The following SAFB2 variants were observed in gnomAD, a reference collection of about 807,000 sequenced individuals.
SAFB2 encodes scaffold attachment factor B2.
SAFB2 carries 32 observed loss-of-function variants against 100.6 expected under a neutral mutation model. That is an observed-to-expected ratio of 0.32 (90% CI 0.24 to 0.43). SAFB2 has a LOEUF of 0.43. Among genes scored for constraint, SAFB2 ranks in the 20% least tolerant of loss-of-function variants. The pLI is 1.00. For synonymous variants in SAFB2, 500 were observed against 439.4 expected, an observed-to-expected ratio of 1.14 and a Z score of -1.72; for missense variants, 1,185 against 1,163.4, an observed-to-expected ratio of 1.02 and a Z score of -0.27.
intron 11 of SAFB2, among the ~76,000 whole-genome samples, chr19:5,603,252 G>A (rs768276905): frequency 2.6e-5 from 4 of 152,086 alleles, no homozygotes; most frequent in Admixed American, 6.6e-5. Flanking sequence ...TGGGTGACCC[G>A]TCTCAAAAAG....
At chr19:5,607,849 G>C (rs1192624354) in intron 9 of SAFB2, among the ~76,000 whole-genome samples, 2 of 152,220 alleles carry the variant, frequency 1.3e-5, no homozygotes, top group Non-Finnish European at 2.9e-5. Context: ...GACGTCCTTG[G>C]TTTTGACCAC....
At chr19:5,598,232 A>G (rs192853221) in intron 13 of SAFB2, among the ~76,000 whole-genome samples, 21 of 152,122 alleles carry the variant, frequency 1.4e-4, no homozygotes, top group Admixed American at 1.2e-3. Flanking sequence ...CTGTCACCTC[A>G]TGAATATCTT....
At chr19:5,599,146 C>T (rs1227730788) in intron 12 of SAFB2, among the ~76,000 whole-genome samples, 1 of 152,194 alleles carries the variant, frequency 6.6e-6, no homozygotes, top group Non-Finnish European at 1.5e-5. Flanking sequence ...AGCACGCACA[C>T]AAGCACGGCC....
At chr19:5,610,324 GA>G (rs2145349825) in intron 8 of SAFB2, 1 of 592,326 alleles carries the variant, frequency 1.7e-6, no homozygotes, top group African/African-American at 1.9e-5. Flanking sequence ...GTTATGAACT[GA>G]AATGTCTTTT....
chr19:5,589,748 G>A (rs2052347932), intron 18 of SAFB2, among the ~76,000 whole-genome samples: 1 of 152,206 alleles, frequency 6.6e-6, no homozygotes, highest in Non-Finnish European at 1.5e-5. Context: ...GGTGAAGGTG[G>A]CTTTGGACAC....
At chr19:5,615,801 G>A (rs1194724432) in intron 4 of SAFB2, among the ~76,000 whole-genome samples, 1 of 152,234 alleles carries the variant, frequency 6.6e-6, no homozygotes, top group African/African-American at 2.4e-5. Flanking sequence ...TAGTCAGGAG[G>A]ATCGCTGGAG....
Position 5,592,866 on chromosome 19 carries a change from T to C in SAFB2, c.2229A>G (p.Pro743=), listed in dbSNP as rs760373908. The part of the protein sequence containing the change: ...DLDRRDDAYW[P]EGKRVAMEDR... ...CCTCCATTGCCACACGCTTTCCTTC[T>C]GGCCAATAGGCATCATCTCGTCTGT... The change falls in exon 16 of 21, where the codon CCA becomes CCG. Residue 743 remains proline, a synonymous_variant. Transcript: ENST00000252542. 6.2e-6 allele frequency: 10 copies of C among 1,614,154 alleles called. No individual in the cohort carries two copies. Among genetic ancestry groups the C allele is most frequent in the Non-Finnish European group, 8.5e-6 (10 of 1,180,002 alleles).
chr19:5,595,167 C>T (rs1324903285), intron 14 of SAFB2, among the ~76,000 whole-genome samples, 194 bp downstream of exon 14: 1 of 152,186 alleles, frequency 6.6e-6, no homozygotes, highest in Non-Finnish European at 1.5e-5. Flanking sequence ...ACTTTCATGC[C>T]ACCTGGCATG....
chr19:5,621,453 T>A, intron 1 of SAFB2, 57 bp from the exon 2 acceptor site: 1 of 1,093,682 alleles, frequency 9.1e-7, no homozygotes, highest in Non-Finnish European at 1.4e-6. Flanking sequence ...CACACACTGT[T>A]CCTTACAAGT....
chr19:5,607,429 T>C (rs1192580790), intron 9 of SAFB2, among the ~76,000 whole-genome samples: 19 of 152,234 alleles, frequency 1.2e-4, no homozygotes, highest in Non-Finnish European at 7.4e-5. Flanking sequence ...AATGCAAGTA[T>C]ATTCCCACAG....
At chr19:5,593,055 T>C (rs1224343575) in intron 15 of SAFB2, among the ~76,000 whole-genome samples, 168 bp from the exon 16 acceptor site, 1 of 152,174 alleles carries the variant, frequency 6.6e-6, no homozygotes, top group Non-Finnish European at 1.5e-5. Flanking sequence ...TTTGATCTGA[T>C]AAATTAAAAC....
chr19:5,587,931 C>A lies in SAFB2; in HGVS notation c.2575G>T (p.Ala859Ser). 1 of 1,612,726 alleles carries A rather than the reference C, an allele frequency of 6.2e-7. No individual in the cohort carries two copies. The highest frequency in any genetic ancestry group is 8.5e-7 in the Non-Finnish European group (1 of 1,179,864). The change falls in exon 19 of 21, where the codon GCA becomes TCA. Residue 859 changes from alanine to serine, a missense_variant. This residue lies in a region of SAFB2 where 740 missense variants were observed against 687.1 expected (regional missense o/e 1.08). Transcript: ENST00000252542. This position sits in a 1 kb window ranked among gnomAD's most constrained non-coding sequence, Gnocchi z 4.9. The stretch of plus-strand genomic sequence containing the variant: ...TCCATGGCACCCTGCCAGGCGCGTG[C>A]CTGGTGCTCCTCTAGCCGCTGGTTG... ...EHNQRLEEHQ[A>S]RAWQGAMDAG...
intron 5 of SAFB2, 35 bp downstream of exon 5, chr19:5,613,430 C>A: frequency 6.4e-7 from 1 of 1,572,972 alleles, no homozygotes; most frequent in Non-Finnish European, 8.7e-7. Flanking sequence ...ACTCGATTAA[C>A]ATTTCCAGCG....
chr19:5,593,914 C>A lies in SAFB2; in HGVS notation c.2184G>T (p.Gly728=), dbSNP rs748690083. 13 of 1,524,682 alleles carry A rather than the reference C, an allele frequency of 8.5e-6. No individual in the cohort carries two copies. Among genetic ancestry groups the A allele is most frequent in the Admixed American group, 6.0e-5 (3 of 49,920 alleles). The allele number at this position is 1,524,682 out of a possible 1,614,324, so 94.4% of individuals were successfully genotyped here. A position where few individuals can be genotyped will look rare whatever the true frequency, so the allele number is the denominator to read the frequency against. The change falls in exon 15 of 21, where the codon GGG becomes GGT. Residue 728 remains glycine, a synonymous_variant. Coordinates refer to ENST00000252542, the MANE Select transcript of SAFB2 (RefSeq NM_014649.3). ...QLRYEQERRP[G]RRPYDLDRRD... Reference sequence around the variant, plus strand: ...ACCGGTCCAGGTCGTAGGGCCTCCGCCCGGGCCGCCGCTCCTGCTCGTAAC... The same window carrying A: ...ACCGGTCCAGGTCGTAGGGCCTCCGACCGGGCCGCCGCTCCTGCTCGTAAC...
At chr19:5,595,567 C>G (rs570674146) in intron 13 of SAFB2, 70 bp from the exon 14 acceptor site, 2 of 1,565,872 alleles carry the variant, frequency 1.3e-6, no homozygotes, top group African/African-American at 1.3e-5. Context: ...AGATTATGCA[C>G]GTGTGCATGA....
Position 5,594,039 on chromosome 19 carries a change from G to A in SAFB2, c.2059C>T (p.Leu687=). 5 of 1,579,500 alleles carry A rather than the reference G, an allele frequency of 3.2e-6. No individual in the cohort carries two copies. Among genetic ancestry groups the A allele is most frequent in the East Asian group, 2.3e-5 (1 of 43,616 alleles). The change falls in exon 15 of 21, where the codon CTG becomes TTG. Residue 687 remains leucine (L), a synonymous_variant. Transcript: ENST00000252542. ...TCCACGCGCATGCGCTCGCGCTCCA[G>A]CCGCTCCCGCTCCATGCGCTCCCGC... ...LERERMERER[L]ERERMRVERE...
intron 15 of SAFB2, among the ~76,000 whole-genome samples, chr19:5,593,176 T>G (rs560691571): frequency 9.8e-5 from 15 of 152,344 alleles, no homozygotes; most frequent in Admixed American, 4.6e-4. Context: ...TCCCCCCTCA[T>G]GAGCAACTGA....
chr19:5,587,327 TCCG>T lies in SAFB2; in HGVS notation c.2775_2777del (p.Gly926del). 6.2e-7 allele frequency: 1 copy of T among 1,612,812 alleles called. No homozygotes were observed. On this transcript the variant is annotated inframe_deletion, in exon 21 of 21. Coordinates refer to ENST00000252542, the MANE Select transcript of SAFB2 (RefSeq NM_014649.3). The surrounding 1 kb of genome is among the most constrained non-coding windows in gnomAD (Gnocchi z 4.9). ...TGCTGCCCCGGTCCTGGCTGGCCAC[TCCG>T]CCACCTTCCAGTCCGCCACCTGGCA...
At chr19:5,619,871 A>G (rs895308563) in intron 2 of SAFB2, among the ~76,000 whole-genome samples, 1 of 152,096 alleles carries the variant, frequency 6.6e-6, no homozygotes, top group Non-Finnish European at 1.5e-5. Context: ...ATCCCTGTTA[A>G]ATTCCTGCTA....
Sources: gnomAD v4.1 joint callset for allele counts (sites outside exome capture counted in the v4.1 genomes callset) on GRCh38, gnomAD v4.1.1 for gene constraint, gnomAD v4.1.1 regional missense constraint, Gnocchi (gnomAD v3.1) non-coding constraint, MANE v1.5 for transcripts, NCBI Gene and HGNC (gene_info 2026-07-23, HGNC 2026-07-21) for gene names.